CFAP43: variants seen among roughly 807,000 people sequenced by gnomAD.
CFAP43 encodes cilia- and flagella-associated protein 43.
CFAP43 carries 155 observed loss-of-function variants against 218.9 expected under a neutral mutation model. The ratio of observed to expected loss-of-function variants is 0.71; its 90% CI spans 0.62 to 0.81. The LOEUF (loss-of-function observed/expected upper bound fraction) is 0.81, where lower values mean the gene tolerates loss of function less well. Ranked by LOEUF, CFAP43 falls within the 30% of genes least tolerant of loss-of-function variation. CFAP43 has a pLI of 0.00. For missense variants in CFAP43, 1,778 were observed against 1,954.3 expected (o/e 0.91, Z 1.70); for synonymous variants, 645 against 681.3 (o/e 0.95, Z 0.83).
intron 10 of CFAP43, 117 bp from the exon 11 acceptor site, chr10:104,194,131 T>C: frequency 1.7e-6 from 2 of 1,210,456 alleles, no homozygotes; most frequent in Non-Finnish European, 2.3e-6. Flanking sequence ...GCAAGTGTTG[T>C]GTGGTGGGGT....
intron 18 of CFAP43, 111 bp from the exon 19 acceptor site, chr10:104,179,217 A>G: frequency 1.1e-6 from 1 of 879,090 alleles, no homozygotes; most frequent in Non-Finnish European, 1.7e-6. Context: ...ATTTGTAAAG[A>G]CTAATATAAA....
chr10:104,139,056 T>C (rs1192379400), intron 34 of CFAP43, among the ~76,000 whole-genome samples: 1 of 152,216 alleles, frequency 6.6e-6, no homozygotes, highest in East Asian at 1.9e-4. Context: ...TATCTATCTA[T>C]CTATCTACAA....
chr10:104,177,851 T>C (rs1258514332), intron 19 of CFAP43, among the ~76,000 whole-genome samples: 1 of 152,240 alleles, frequency 6.6e-6, no homozygotes, highest in Non-Finnish European at 1.5e-5. Flanking sequence ...GCCTTCAACA[T>C]TCTGAAGGCA....
intron 28 of CFAP43, among the ~76,000 whole-genome samples, chr10:104,151,980 A>G (rs1477199699): frequency 6.6e-6 from 1 of 152,232 alleles, no homozygotes; most frequent in Non-Finnish European, 1.5e-5. Flanking sequence ...ATTTAAGGGC[A>G]TCACTCTTTG....
chr10:104,194,100 G>C, intron 10 of CFAP43, 86 bp from the exon 11 acceptor site: 1 of 1,491,588 alleles, frequency 6.7e-7, no homozygotes, highest in Non-Finnish European at 9.0e-7. Context: ...TACTTGAAAA[G>C]CCTGCAGGAT....
intron 11 of CFAP43, 52 bp from the exon 12 acceptor site, chr10:104,192,354 T>C (rs2134914179): frequency 7.1e-7 from 1 of 1,401,756 alleles, no homozygotes; most frequent in Middle Eastern, 1.9e-4. Flanking sequence ...ACCAGCTAGA[T>C]GGTGAACAAG....
At chr10:104,222,660 T>C (rs1032395886) in intron 3 of CFAP43, among the ~76,000 whole-genome samples, 1 of 152,126 alleles carries the variant, frequency 6.6e-6, no homozygotes, top group Non-Finnish European at 1.5e-5. Flanking sequence ...TATTAAGACA[T>C]GCAAACAAAT....
In CFAP43 at chr10:104,203,750, A is replaced by G. The variant is rs916312801; in HGVS notation, c.1017T>C (p.Asp339=). 1.2e-6 allele frequency: 2 copies of G among 1,611,232 alleles called. No homozygotes were observed. The highest frequency in any genetic ancestry group is 1.3e-5 in the African/African-American group (1 of 75,004). The change falls in exon 8 of 38, where the codon GAT becomes GAC. Residue 339 remains aspartate (D), a synonymous_variant. Coordinates refer to ENST00000357060, the MANE Select transcript of CFAP43 (RefSeq NM_025145.7). The part of the protein sequence containing the change: ...IIKDRSYMIE[D]FLEIERPVEH... ...CTACAGGTCTTTCAATCTCAAGAAA[A>G]TCCTCGATCATGTAACTTCTATCTT... is the stretch of plus-strand genomic sequence containing the variant.
chr10:104,164,061 A>G (rs2089019712), intron 24 of CFAP43, 33 bp downstream of exon 24: 1 of 1,606,168 alleles, frequency 6.2e-7, no homozygotes, highest in Non-Finnish European at 8.5e-7. Context: ...TCTCCTGAGA[A>G]AGAAGGGAAA....
intron 3 of CFAP43, among the ~76,000 whole-genome samples, chr10:104,224,624 G>A (rs1318491813): frequency 2.0e-5 from 3 of 151,326 alleles, no homozygotes; most frequent in Admixed American, 6.6e-5. Context: ...TCATGATGGC[G>A]GGTACATGTA....
intron 8 of CFAP43, among the ~76,000 whole-genome samples, chr10:104,200,901 C>T (rs1478882682): frequency 3.3e-5 from 5 of 152,064 alleles, no homozygotes; most frequent in East Asian, 1.9e-4. Context: ...TTGGAGTCCA[C>T]GTCATGAAGG....
Position 104,164,138 on chromosome 10 carries a change from C to A in CFAP43, c.3202G>T (p.Asp1068Tyr). 6.2e-7 allele frequency: 1 copy of A among 1,614,178 alleles called. No homozygotes were observed. Among genetic ancestry groups the A allele is most frequent in the Non-Finnish European group, 8.5e-7 (1 of 1,180,024 alleles). ...EEAVWQPEFE[D>Y]CEKPERTLVV... is the part of the protein sequence containing the mutation. Reference sequence around the variant, plus strand: ...AGCGTTCTCTCTGGCTTCTCACAGTCTTCAAATTCTGGTTGCCAGACTGCT... The same window carrying A: ...AGCGTTCTCTCTGGCTTCTCACAGTATTCAAATTCTGGTTGCCAGACTGCT... Residue 1068 changes from aspartate (D) to tyrosine (Y), a missense_variant, in exon 24 of 38, where the codon GAC becomes TAC. Physicochemically the swap from Asp to Tyr is radical, Grantham distance 160. Coordinates refer to ENST00000357060, the MANE Select transcript of CFAP43 (RefSeq NM_025145.7).
intron 9 of CFAP43, among the ~76,000 whole-genome samples, chr10:104,197,193 A>C (rs2090404634): frequency 6.6e-6 from 1 of 152,264 alleles, no homozygotes; most frequent in Non-Finnish European, 1.5e-5. Flanking sequence ...AACATATTAA[A>C]GATAAAAGTT....
In CFAP43 at chr10:104,140,854, A is replaced by G; in HGVS notation, c.4419T>C (p.Asn1473=). ...AAAGTATAATTACCCGAATCACAGA[A>G]TTCAAGTCTTCAATTATGTTCTTGT... ...LINKNIIEDL[N]SVIRTQGQKK... is the part of the protein sequence containing the mutation. The change falls in exon 34 of 38, where the codon AAT becomes AAC. Residue 1473 remains asparagine (N), a synonymous_variant. Transcript: ENST00000357060. The G allele has an allele frequency of 1.3e-6, 2 of 1,597,244 alleles. No homozygotes were observed. Among genetic ancestry groups the G allele is most frequent in the East Asian group, 2.2e-5 (1 of 44,694 alleles).
At chr10:104,157,523 A>G (rs1313070297) in intron 27 of CFAP43, among the ~76,000 whole-genome samples, 2 of 152,138 alleles carry the variant, frequency 1.3e-5, no homozygotes, top group Admixed American at 6.5e-5. Flanking sequence ...AGGCAGAGAT[A>G]GTTTGGTGAA....
chr10:104,230,966 T>C (rs1203108673), intron 1 of CFAP43, 123 bp from the exon 2 acceptor site: 1 of 1,085,536 alleles, frequency 9.2e-7, no homozygotes, highest in East Asian at 2.7e-5. Flanking sequence ...CTGCCCCCAA[T>C]TTCTAAGATA....
intron 13 of CFAP43, among the ~76,000 whole-genome samples, chr10:104,187,890 T>C (rs1268226252): frequency 6.6e-6 from 1 of 152,204 alleles, no homozygotes; most frequent in East Asian, 1.9e-4. Flanking sequence ...GAGTATCTAT[T>C]TTCTCATACC....
chr10:104,216,318 A>G (rs1311565286), intron 3 of CFAP43, among the ~76,000 whole-genome samples: 1 of 152,202 alleles, frequency 6.6e-6, no homozygotes, highest in African/African-American at 2.4e-5. Flanking sequence ...ACCTTCTGGA[A>G]TCACTCTTAG....
Position 104,188,882 on chromosome 10 carries a change from C to A in CFAP43, c.1547-472G>T, listed in dbSNP as rs181946402. Among the ~76,000 whole-genome samples, 207 of 152,278 alleles carry A rather than the reference C, an allele frequency of 1.4e-3. 1 individual carries two copies. The highest frequency in any genetic ancestry group is 4.5e-3 in the African/African-American group (188 of 41,564). ...TCCACTAGAAAGCCAGCTGATCTAA[C>A]CTCTACAAGGTGTGCCAGGCCTGGA... On this transcript the variant is annotated intron_variant, in intron 12 of 37. Transcript: ENST00000357060.
Sources: gnomAD v4.1 joint callset for allele counts (sites outside exome capture counted in the v4.1 genomes callset) on GRCh38, gnomAD v4.1.1 for gene constraint, MANE v1.5 for transcripts, NCBI Gene and HGNC (gene_info 2026-07-23, HGNC 2026-07-21) for gene names.